DOCK2: variants seen among roughly 807,000 people sequenced by gnomAD.
DOCK2 encodes dedicator of cytokinesis protein 2.
A neutral mutation model predicts 248.9 loss-of-function variants in DOCK2; 87 were observed. The ratio of observed to expected loss-of-function variants is 0.35; its 90% CI spans 0.29 to 0.42. DOCK2 has a LOEUF of 0.42. Ranked by LOEUF, DOCK2 falls within the 10% of genes least tolerant of loss-of-function variation. DOCK2 has a pLI of 1.00. For synonymous variants in DOCK2, 805 were observed against 821.6 expected (o/e 0.98, Z 0.35); for missense variants, 1,747 against 2,300.2 (o/e 0.76, Z 4.92).
chr5:169,769,469 C>T (rs1178371378), intron 25 of DOCK2, among the ~76,000 whole-genome samples: 1 of 152,212 alleles, frequency 6.6e-6, no homozygotes, highest in Non-Finnish European at 1.5e-5. Context: ...AAGAGAATGG[C>T]TGCCAGGGTA....
Position 169,784,847 on chromosome 5 carries a change from T to C in DOCK2, c.2555-18211T>C, listed in dbSNP as rs1650866. Among the ~76,000 whole-genome samples, 1,328 of 152,350 alleles carry C rather than the reference T, an allele frequency of 8.7e-3. 24 individuals carry two copies. Among genetic ancestry groups the C allele is most frequent in the African/African-American group, 0.03 (1,255 of 41,580 alleles). On this transcript the variant is annotated intron_variant, in intron 25 of 51. Transcript: ENST00000520908. Reference sequence around the variant, plus strand: ...TAAGCAGATTCAAATGAATTTACTTTATGAAAAATATTAAGTAAACAATAG... The same window carrying C: ...TAAGCAGATTCAAATGAATTTACTTCATGAAAAATATTAAGTAAACAATAG...
Position 169,716,255 on chromosome 5 carries a change from G to C in DOCK2, c.1984G>C (p.Glu662Gln). The change falls in exon 20 of 52, where the codon GAG (glutamate) becomes CAG (glutamine). Residue 662 changes from glutamate (E) to glutamine (Q), a missense_variant. Glu to Gln is a conservative substitution (Grantham distance 29). Around this residue, in one of 4 missense-constraint regions of DOCK2, gnomAD observed 858 missense variants for 1,183.5 expected, o/e 0.72. Transcript: ENST00000520908. ...GGATGCCCTCTTCAACATCATGATG[G>C]AGCATTCTCAAAGTGATGAATATGA... ...TLDALFNIMM[E>Q]HSQSDEYDIL... The C allele has an allele frequency of 6.2e-7, 1 of 1,613,664 alleles. No homozygotes were observed. Among genetic ancestry groups the C allele is most frequent in the Non-Finnish European group, 8.5e-7 (1 of 1,179,758 alleles).
intron 27 of DOCK2, among the ~76,000 whole-genome samples, chr5:169,932,827 A>T (rs1581437499): frequency 6.6e-6 from 1 of 152,108 alleles, no homozygotes; most frequent in Non-Finnish European, 1.5e-5. Context: ...TTGTCTTTTT[A>T]AAAAAGAGAT....
intron 22 of DOCK2, among the ~76,000 whole-genome samples, chr5:169,720,201 C>T (rs1016355735): frequency 6.6e-6 from 1 of 152,176 alleles, no homozygotes; most frequent in African/African-American, 2.4e-5. Context: ...AGAGATACTT[C>T]TCAGTGATTT....
intron 46 of DOCK2, among the ~76,000 whole-genome samples, chr5:170,070,456 C>T (rs1217889368): frequency 6.6e-6 from 1 of 152,212 alleles, no homozygotes; most frequent in Non-Finnish European, 1.5e-5. Context: ...GCGCTTTTCC[C>T]GAATGCATGT....
intron 26 of DOCK2, among the ~76,000 whole-genome samples, chr5:169,829,750 G>A (rs769896411): frequency 1.8e-4 from 27 of 152,138 alleles, no homozygotes; most frequent in Non-Finnish European, 2.6e-4. Context: ...TTGTATTTAC[G>A]TTGTATTTAT....
intron 33 of DOCK2, 62 bp from the exon 34 acceptor site, chr5:170,027,801 T>C: frequency 6.8e-7 from 1 of 1,475,774 alleles, no homozygotes. Flanking sequence ...AATAATGAAT[T>C]GACTAATTTC....
At chr5:169,647,142 C>G (rs1336057001) in intron 1 of DOCK2, among the ~76,000 whole-genome samples, 1 of 152,222 alleles carries the variant, frequency 6.6e-6, no homozygotes, top group Non-Finnish European at 1.5e-5. Context: ...TCCTTGCAGC[C>G]TCATGTTGAA....
rs1763941963 is a variant in DOCK2 at position 169,752,360 on chromosome 5, G to C, written c.2376+4856G>C. Among the ~76,000 whole-genome samples the C allele has an allele frequency of 2.0e-5, 3 of 152,124 alleles. No homozygotes were observed. In the South Asian group the frequency reaches 6.2e-4, roughly 31 times the overall value. Reference sequence around the variant, plus strand: ...GCCCCTGGAGTGTCCAGGAGGGCAGGGGACTCTGCCATTTATATCCCCAAT... The same window carrying C: ...GCCCCTGGAGTGTCCAGGAGGGCAGCGGACTCTGCCATTTATATCCCCAAT... On this transcript the variant is annotated intron_variant, in intron 23 of 51. Coordinates refer to ENST00000520908, the MANE Select transcript of DOCK2 (RefSeq NM_004946.3).
In DOCK2 at chr5:170,027,864, T is replaced by C; in HGVS notation, c.3383T>C (p.Phe1128Ser). The change falls in exon 34 of 52, where the codon TTT becomes TCT. Residue 1128 changes from phenylalanine to serine, a missense_variant and splice_region_variant. Coordinates refer to ENST00000520908, the MANE Select transcript of DOCK2 (RefSeq NM_004946.3). ...GATTTTTGTCTCCTACATCTTCAGTTTGAAAACGAAATCATCCTGAAGCTG... is the reference window on the plus strand; with the variant it reads ...GATTTTTGTCTCCTACATCTTCAGTCTGAAAACGAAATCATCCTGAAGCTG... ...EYQRSGDFKKFENEIILKLDH... is the reference protein window; with the variant it reads ...EYQRSGDFKKSENEIILKLDH... The C allele has an allele frequency of 6.2e-7, 1 of 1,612,328 alleles. No homozygotes were observed. The highest frequency in any genetic ancestry group is 8.5e-7 in the Non-Finnish European group (1 of 1,179,078).
At position 170,057,396 on chromosome 5, in the gene DOCK2, T is replaced by C. The variant is rs973809075; in HGVS notation, c.4381-184T>C. On this transcript the variant is annotated intron_variant, in intron 43 of 51. Coordinates refer to ENST00000520908, the MANE Select transcript of DOCK2 (RefSeq NM_004946.3). ...GTCCAGGGAGAGCTTACACTTAATG[T>C]TGGGAAAGAATTCTTAAGGGTAAGG... 4.6e-6 allele frequency: 3 copies of C among 658,414 alleles called. No individual in the cohort carries two copies. The African/African-American group carries it at 5.3e-5, about 12-fold the overall frequency. 40.8% of individuals were successfully genotyped at this position (658,414 alleles called of 1,614,324 possible).
At chr5:169,983,023 G>A (rs948829730) in intron 27 of DOCK2, 45 bp from the exon 28 acceptor site, 2 of 1,599,946 alleles carry the variant, frequency 1.3e-6, no homozygotes. Context: ...AGTTTTCCAT[G>A]GTCCTCTCTC....
chr5:169,966,163 G>A (rs1044365590), intron 27 of DOCK2, among the ~76,000 whole-genome samples: 1 of 152,206 alleles, frequency 6.6e-6, no homozygotes, highest in Non-Finnish European at 1.5e-5. Flanking sequence ...ATTATGGTAG[G>A]AGCATAATTG....
At chr5:170,062,128 T>TGTGAGA (rs778077276) in intron 44 of DOCK2, among the ~76,000 whole-genome samples, 5 of 137,916 alleles carry the variant, frequency 3.6e-5, no homozygotes, top group Middle Eastern at 3.8e-3. Flanking sequence ...TGTGTGTGTG[T>TGTGAGA]GAGAGAGAGA....
intron 22 of DOCK2, among the ~76,000 whole-genome samples, chr5:169,719,382 A>T (rs1420716300): frequency 2.0e-5 from 3 of 152,248 alleles, no homozygotes; most frequent in African/African-American, 7.2e-5. Context: ...TCTTGGCCAT[A>T]GGGCAAAGTT....
chr5:170,083,071 C>A lies in DOCK2; in HGVS notation c.*213C>A. 3.4e-6 allele frequency: 2 copies of A among 584,636 alleles called. No individual in the cohort carries two copies. The highest frequency in any genetic ancestry group is 3.0e-6 in the Non-Finnish European group (1 of 334,210). The allele number at this position is 584,636 out of a possible 1,614,324, so 36.2% of individuals were successfully genotyped here. ...GCTGTGATCATGGTGGATGAGGAAG[C>A]CTCAACGTAGATTCCTGAACTCAAG... On this transcript the variant is annotated 3_prime_UTR_variant, in exon 52 of 52. Coordinates refer to ENST00000520908, the MANE Select transcript of DOCK2 (RefSeq NM_004946.3).
rs148311128 is a variant in DOCK2 at position 169,954,822 on chromosome 5, C to T, written c.2800-28246C>T. Among the ~76,000 whole-genome samples the T allele has an allele frequency of 9.3e-3, 1,415 of 152,320 alleles. 23 individuals carry two copies. The highest frequency in any genetic ancestry group is 0.032 in the African/African-American group (1,342 of 41,558). Reference sequence around the variant, plus strand: ...GCAGCTGATGCTGGGAAGGCTCATACAGGTCCACCCAGGCTGCAAGTGTGT... The same window carrying T: ...GCAGCTGATGCTGGGAAGGCTCATATAGGTCCACCCAGGCTGCAAGTGTGT... On this transcript the variant is annotated intron_variant, in intron 27 of 51. Transcript: ENST00000520908.
intron 9 of DOCK2, among the ~76,000 whole-genome samples, chr5:169,692,336 T>C (rs1336461290): frequency 6.6e-6 from 1 of 152,212 alleles, no homozygotes; most frequent in Non-Finnish European, 1.5e-5. Context: ...TTAAGTTCCA[T>C]TGCCCTGCTT....
Position 169,671,116 on chromosome 5 carries a change from C to T in DOCK2, c.263C>T (p.Ala88Val), listed in dbSNP as rs1759029159. 2 of 1,613,856 alleles carry T rather than the reference C, an allele frequency of 1.2e-6. No homozygotes were observed. The highest frequency in any genetic ancestry group is 2.7e-5 in the African/African-American group (2 of 74,894). Residue 88 changes from alanine (A) to valine (V), a missense_variant, in exon 5 of 52, where the codon GCA becomes GTA. Coordinates refer to ENST00000520908, the MANE Select transcript of DOCK2 (RefSeq NM_004946.3). ...ATCATTCCTGCAGAAATTCCTCTGG[C>T]ACAAGAAGTGACAACGACACTTTGG... ...ENIIPAEIPL[A>V]QEVTTTLWEW...
Sources: gnomAD v4.1 joint callset for allele counts (sites outside exome capture counted in the v4.1 genomes callset) on GRCh38, gnomAD v4.1.1 for gene constraint, gnomAD v4.1.1 regional missense constraint, MANE v1.5 for transcripts, NCBI Gene and HGNC (gene_info 2026-07-23, HGNC 2026-07-21) for gene names.